Variants in SBF2 observed in about 807,000 individuals in gnomAD.
SBF2 encodes the protein SET binding factor 2, also known as myotubularin-related protein 13.
Under a neutral mutation model 225.2 loss-of-function variants are expected in SBF2, and 112 were observed. The observed-to-expected ratio is 0.50, with a 90% CI of 0.43 to 0.58. SBF2 has a LOEUF of 0.58. SBF2 is among the 20% of genes least tolerant of loss of function. SBF2 has a pLI of 0.00. For missense variants in SBF2, 1,996 were observed against 2,206.2 expected (o/e 0.90, Z 1.91); for synonymous variants, 763 against 773.3 (o/e 0.99, Z 0.22).
At chr11:10,101,847 G>A (rs1454998330) in intron 2 of SBF2, among the ~76,000 whole-genome samples, 2 of 152,106 alleles carry the variant, frequency 1.3e-5, no homozygotes, top group African/African-American at 4.8e-5. Flanking sequence ...AGGTATCACA[G>A]GATAGAACAT....
chr11:9,853,930 G>C (rs917639519), intron 19 of SBF2, among the ~76,000 whole-genome samples: 2 of 152,138 alleles, frequency 1.3e-5, no homozygotes, highest in African/African-American at 4.8e-5. Flanking sequence ...GTAAGTTTCT[G>C]TAAGGAAATT....
rs979281061 is a variant in SBF2, at chr11:9,986,878, A to G, written c.1395+2619T>C. On this transcript the variant is annotated intron_variant, in intron 13 of 39. Coordinates refer to ENST00000256190, the MANE Select transcript of SBF2 (RefSeq NM_030962.4). Reference sequence around the variant, plus strand: ...AAACACCAGTACCAATCCTTTTGACACTATTCCACAAGATACAGAAAGAAG... The same window carrying G: ...AAACACCAGTACCAATCCTTTTGACGCTATTCCACAAGATACAGAAAGAAG... 7.4e-4 allele frequency among the ~76,000 whole-genome samples: 113 copies of G among 152,312 alleles called. 1 individual carries two copies. Among genetic ancestry groups the G allele is most frequent in the African/African-American group, 2.6e-3 (109 of 41,560 alleles).
At chr11:9,899,821 T>C (rs1861576144) in intron 16 of SBF2, among the ~76,000 whole-genome samples, 1 of 152,066 alleles carries the variant, frequency 6.6e-6, no homozygotes, top group Non-Finnish European at 1.5e-5. Context: ...CCTGATGATA[T>C]CATCAGATAT....
intron 1 of SBF2, among the ~76,000 whole-genome samples, chr11:10,241,225 C>G (rs1444380180): frequency 6.6e-6 from 1 of 152,008 alleles, no homozygotes; most frequent in African/African-American, 2.4e-5. Context: ...TGGTGGCACA[C>G]GCCTGTACTC....
At chr11:10,094,167 C>G (rs917719485) in intron 2 of SBF2, among the ~76,000 whole-genome samples, 2 of 152,018 alleles carry the variant, frequency 1.3e-5, no homozygotes, top group Non-Finnish European at 2.9e-5. Context: ...TCTGTCTCTA[C>G]TAAAAATACA....
chr11:10,111,883 A>C (rs917920301), intron 2 of SBF2, among the ~76,000 whole-genome samples: 2 of 152,220 alleles, frequency 1.3e-5, no homozygotes, highest in Admixed American at 6.5e-5. Flanking sequence ...TCTCAAAAAA[A>C]CCAAAAAAAA....
chr11:10,280,441 C>A (rs1963326755), intron 1 of SBF2, among the ~76,000 whole-genome samples: 1 of 152,156 alleles, frequency 6.6e-6, no homozygotes, highest in African/African-American at 2.4e-5. Context: ...CTATTCCATA[C>A]ATTTTTAAAA....
rs766086932 is a variant in SBF2 at position 9,992,407 on chromosome 11, A to T, written c.1296+8T>A. ...ATAAATAATGCCTTCATTTAATAAG[A>T]GCTATACCTCATCAAAGAGATCACA... On this transcript the variant is annotated splice_region_variant and intron_variant, in intron 12 of 39. Coordinates refer to ENST00000256190, the MANE Select transcript of SBF2 (RefSeq NM_030962.4). 1.2e-6 allele frequency: 2 copies of T among 1,611,238 alleles called. No individual in the cohort carries two copies. The highest frequency in any genetic ancestry group is 3.3e-5 in the Admixed American group (2 of 59,854).
chr11:10,158,422 T>C (rs1027577510), intron 2 of SBF2, among the ~76,000 whole-genome samples: 5 of 151,820 alleles, frequency 3.3e-5, no homozygotes, highest in South Asian at 2.1e-4. Context: ...ACAAGCAAAA[T>C]TGACAAGCCT....
chr11:10,060,366 T>A (rs1950391868), intron 2 of SBF2, among the ~76,000 whole-genome samples: 1 of 151,894 alleles, frequency 6.6e-6, no homozygotes, highest in African/African-American at 2.4e-5. Flanking sequence ...ACTAACAAGC[T>A]CCGAAACTGA....
intron 6 of SBF2, among the ~76,000 whole-genome samples, chr11:10,024,307 T>C (rs914357852): frequency 3.3e-5 from 5 of 149,868 alleles, no homozygotes; most frequent in African/African-American, 1.2e-4. Context: ...AACATTCATA[T>C]ACAAATATTT....
chr11:9,887,116 CT>C (rs35175459), intron 17 of SBF2, among the ~76,000 whole-genome samples: 2 of 151,142 alleles, frequency 1.3e-5, no homozygotes, highest in Non-Finnish European at 2.9e-5. Flanking sequence ...GGGTCCAAAC[CT>C]TTTTTTCATC....
At chr11:9,815,662 G>A (rs959789524) in intron 29 of SBF2, among the ~76,000 whole-genome samples, 3 of 152,070 alleles carry the variant, frequency 2.0e-5, no homozygotes, top group African/African-American at 4.8e-5. Context: ...AGAGTGATTC[G>A]GATCACGAGT....
chr11:10,296,226 C>T (rs867307194), upstream of SBF2, among the ~76,000 whole-genome samples: 3 of 152,124 alleles, frequency 2.0e-5, no homozygotes, highest in African/African-American at 4.8e-5. Context: ...TGTAGCATCA[C>T]ATTGAAGTAT....
chr11:9,921,068 T>C (rs1213024387), intron 16 of SBF2, among the ~76,000 whole-genome samples: 26 of 144,906 alleles, frequency 1.8e-4, no homozygotes, highest in South Asian at 4.5e-4. Context: ...AAACTTCTTT[T>C]TTTTTTTTTT....
intron 2 of SBF2, among the ~76,000 whole-genome samples, chr11:10,175,623 G>A (rs1429761713): frequency 6.6e-6 from 1 of 150,688 alleles, no homozygotes; most frequent in South Asian, 2.1e-4. Flanking sequence ...AGTCAACAAG[G>A]ATACCCAGGA....
intron 12 of SBF2, among the ~76,000 whole-genome samples, chr11:9,990,611 C>G (rs1007132874): frequency 6.6e-6 from 1 of 152,112 alleles, no homozygotes; most frequent in African/African-American, 2.4e-5. Context: ...AGTCAAGTAA[C>G]ATAAGTAAGA....
At chr11:10,038,127 C>G (rs1298135788) in intron 3 of SBF2, among the ~76,000 whole-genome samples, 1 of 151,912 alleles carries the variant, frequency 6.6e-6, no homozygotes, top group African/African-American at 2.4e-5. Flanking sequence ...ACCCTTGACA[C>G]TTAATTCTTG....
chr11:9,843,866 C>G (rs912687191), intron 24 of SBF2: 1 of 152,152 alleles, frequency 6.6e-6, no homozygotes, highest in African/African-American at 2.4e-5. Flanking sequence ...TCTAAAAGAG[C>G]TGTAACACTA....
Sources: allele counts gnomAD v4.1 joint callset (sites outside exome capture counted in the v4.1 genomes callset), GRCh38; gene constraint gnomAD v4.1.1; transcripts MANE v1.5; gene names NCBI Gene and HGNC (gene_info 2026-07-23, HGNC 2026-07-21).